ARB2A: variants seen among roughly 807,000 people sequenced by gnomAD.
ARB2A encodes the protein cotranscriptional regulator ARB2A.
At chr5:93,908,631 G>A in the ARB2A span, among the ~76,000 whole-genome samples, 2 of 150,642 alleles carry the variant, frequency 1.3e-5, no homozygotes, top group African/African-American at 2.4e-5. Flanking sequence ...TAATACTCAC[G>A]TTAACTTTAC....
chr5:93,836,050 C>T, the ARB2A span, among the ~76,000 whole-genome samples: 140 of 152,126 alleles, frequency 9.2e-4, no homozygotes, highest in African/African-American at 3.2e-3. Context: ...TTCTTTTTGA[C>T]GGAGTCTCGC....
the ARB2A span, among the ~76,000 whole-genome samples, chr5:93,904,434 T>C: frequency 1.3e-5 from 2 of 151,906 alleles, no homozygotes; most frequent in Admixed American, 1.3e-4. Context: ...CTTAGAGTTG[T>C]TTCCTTTAAG....
At chr5:94,073,696 C>G in the ARB2A span, among the ~76,000 whole-genome samples, 2 of 152,206 alleles carry the variant, frequency 1.3e-5, no homozygotes, top group Admixed American at 1.3e-4. Flanking sequence ...CTTGCCCTCA[C>G]TCCTAAATTG....
At chr5:93,955,586 T>C in the ARB2A span, among the ~76,000 whole-genome samples, 22 of 152,388 alleles carry the variant, frequency 1.4e-4, no homozygotes, top group African/African-American at 4.8e-4. Flanking sequence ...CACTTATAGA[T>C]AGTATTTTGA....
At chr5:93,841,870 A>G in the ARB2A span, among the ~76,000 whole-genome samples, 1 of 152,210 alleles carries the variant, frequency 6.6e-6, no homozygotes, top group African/African-American at 2.4e-5. Context: ...GGTTGACATG[A>G]AAAAACACCT....
At chr5:93,937,739 T>C in the ARB2A span, among the ~76,000 whole-genome samples, 1 of 152,086 alleles carries the variant, frequency 6.6e-6, no homozygotes, top group Admixed American at 6.6e-5. Flanking sequence ...TCTACAGATA[T>C]CAAAACCAAT....
the ARB2A span, among the ~76,000 whole-genome samples, chr5:93,853,119 CTCTTT>C: frequency 2.0e-5 from 3 of 152,000 alleles, no homozygotes; most frequent in Admixed American, 6.5e-5. Flanking sequence ...TGTTTGTATC[CTCTTT>C]TATTTCATTG....
the ARB2A span, among the ~76,000 whole-genome samples, chr5:93,687,502 T>C: frequency 2.6e-5 from 4 of 152,164 alleles, no homozygotes; most frequent in African/African-American, 7.2e-5. Flanking sequence ...AATGGTGGCA[T>C]AGTCAATTAA....
At chr5:93,928,041 G>A in the ARB2A span, among the ~76,000 whole-genome samples, 1 of 151,780 alleles carries the variant, frequency 6.6e-6, no homozygotes, top group Non-Finnish European at 1.5e-5. Context: ...AGTCCAGCAG[G>A]AACTGGAAGT....
chr5:94,095,215 C>T, the ARB2A span, among the ~76,000 whole-genome samples: 3 of 152,188 alleles, frequency 2.0e-5, no homozygotes, highest in Admixed American at 2.0e-4. Context: ...CATGGGCAGC[C>T]CCCACCCAAA....
the ARB2A span, among the ~76,000 whole-genome samples, chr5:93,675,034 A>T: frequency 1.3e-5 from 2 of 152,212 alleles, no homozygotes; most frequent in South Asian, 4.1e-4. Flanking sequence ...TCTGCTTCTC[A>T]ACCAGTACAG....
the ARB2A span, among the ~76,000 whole-genome samples, chr5:93,658,772 T>G: frequency 1.3e-5 from 2 of 152,070 alleles, no homozygotes; most frequent in South Asian, 4.1e-4. Context: ...GTAAGGAAGC[T>G]CAAAGATAAA....
the ARB2A span, chr5:93,804,931 A>G: frequency 1.0e-6 from 1 of 972,172 alleles, no homozygotes; most frequent in South Asian, 4.8e-5. Context: ...ATATATAATA[A>G]TATCATACAG....
the ARB2A span, among the ~76,000 whole-genome samples, chr5:93,636,497 C>T: frequency 3.6e-4 from 55 of 152,228 alleles, no homozygotes; most frequent in Admixed American, 3.6e-3. Flanking sequence ...CCGCCTTCTT[C>T]CCTGTGAAGA....
At chr5:94,074,681 C>T in the ARB2A span, 1 of 1,612,738 alleles carries the variant, frequency 6.2e-7, no homozygotes, top group Non-Finnish European at 8.5e-7. Flanking sequence ...TTCATCTGGA[C>T]CTCCCTGCTG....
At chr5:93,788,502 G>A in the ARB2A span, among the ~76,000 whole-genome samples, 1 of 152,152 alleles carries the variant, frequency 6.6e-6, no homozygotes. Flanking sequence ...GTCCTCAAAT[G>A]ATGTACCTGC....
the ARB2A span, among the ~76,000 whole-genome samples, chr5:94,099,998 T>A: frequency 6.6e-6 from 1 of 152,046 alleles, no homozygotes; most frequent in Non-Finnish European, 1.5e-5. Flanking sequence ...GGAAGTCAAA[T>A]TACCTATTTG....
At chr5:93,674,622 GC>G in the ARB2A span, among the ~76,000 whole-genome samples, 163 of 152,300 alleles carry the variant, frequency 1.1e-3, 1 homozygote, top group African/African-American at 3.8e-3. Context: ...TTTCAGAACT[GC>G]TTTCAGACTC....
chr5:93,863,580 T>G, the ARB2A span: 6 of 152,038 alleles, frequency 3.9e-5, no homozygotes, highest in African/African-American at 9.7e-5. Flanking sequence ...AGTGGCTTTT[T>G]TTATAGCATT....
Sources: allele counts gnomAD v4.1 joint callset (sites outside exome capture counted in the v4.1 genomes callset), GRCh38; gene constraint gnomAD v4.1.1; transcripts MANE v1.5; gene names NCBI Gene and HGNC (gene_info 2026-07-23, HGNC 2026-07-21).